The following ANKFN1 variants were observed in gnomAD, a reference collection of about 807,000 sequenced individuals.
ANKFN1 encodes the protein ankyrin repeat and fibronectin type-III domain-containing protein 1.
A neutral mutation model predicts 108.7 loss-of-function variants in ANKFN1; 74 were observed. That is an observed-to-expected ratio of 0.68 (90% CI 0.56 to 0.83). The LOEUF (loss-of-function observed/expected upper bound fraction) is 0.83. Among genes scored for constraint, ANKFN1 ranks in the 40% least tolerant of loss-of-function variants. The pLI is 0.00. For missense variants in ANKFN1, 1,505 were observed against 1,382.3 expected (o/e 1.09, Z -1.41); for synonymous variants, 547 against 516.2 (o/e 1.06, Z -0.81).
Position 56,308,771 on chromosome 17 carries a change from G to A in ANKFN1, c.54-17450G>A, listed in dbSNP as rs558257562. On this transcript the variant is annotated intron_variant, in intron 3 of 20. Coordinates refer to ENST00000682825, the MANE Select transcript of ANKFN1 (RefSeq NM_001370326.1). ...GATATTTTCTGAGCGTTATTGTCATGAATGAATGAATGCTGAATTTTGTTT... is the reference window on the plus strand; with the variant it reads ...GATATTTTCTGAGCGTTATTGTCATAAATGAATGAATGCTGAATTTTGTTT... 4.7e-4 allele frequency among the ~76,000 whole-genome samples: 71 copies of A among 152,204 alleles called. 1 individual carries two copies. The highest frequency in any genetic ancestry group is 2.7e-3 in the East Asian group (14 of 5,178).
chr17:56,232,305 G>C (rs1916794660), intron 3 of ANKFN1, among the ~76,000 whole-genome samples: 1 of 152,010 alleles, frequency 6.6e-6, no homozygotes, highest in Non-Finnish European at 1.5e-5. Context: ...GACCAGTACA[G>C]AGCTTCTAGA....
chr17:56,120,643 C>T (rs560898127), intron 4 of ANKFN1, among the ~76,000 whole-genome samples: 2 of 152,240 alleles, frequency 1.3e-5, no homozygotes, highest in African/African-American at 4.8e-5. Flanking sequence ...CCAATTGATA[C>T]GATGAGTAAT....
chr17:56,498,090 T>C (rs773182538), intron 19 of ANKFN1, among the ~76,000 whole-genome samples: 1 of 152,146 alleles, frequency 6.6e-6, no homozygotes, highest in Non-Finnish European at 1.5e-5. Flanking sequence ...AAAATGACTT[T>C]GATAACCCAA....
chr17:56,423,809 AT>A (rs1421285563), intron 8 of ANKFN1, among the ~76,000 whole-genome samples: 2 of 152,156 alleles, frequency 1.3e-5, no homozygotes, highest in Non-Finnish European at 2.9e-5. Context: ...TTTTATTGTA[AT>A]TATCTGTATC....
intron 3 of ANKFN1, among the ~76,000 whole-genome samples, chr17:56,266,011 T>A (rs149433379): frequency 6.6e-6 from 1 of 152,244 alleles, no homozygotes; most frequent in East Asian, 1.9e-4. Context: ...TCTGGAAGAG[T>A]ATCTAGCTAC....
chr17:56,379,656 T>G (rs991244652), intron 8 of ANKFN1, among the ~76,000 whole-genome samples: 2 of 152,328 alleles, frequency 1.3e-5, no homozygotes, highest in East Asian at 3.9e-4. Context: ...TGTAAATGTG[T>G]TTGGCTCCTC....
chr17:56,091,418 T>TCTCA (rs1027288272), intron 4 of ANKFN1, among the ~76,000 whole-genome samples: 6 of 136,830 alleles, frequency 4.4e-5, no homozygotes, highest in Non-Finnish European at 9.6e-5. Context: ...TCCAAACAAA[T>TCTCA]CACACACACA....
chr17:56,244,990 A>G (rs1598296715), intron 3 of ANKFN1, among the ~76,000 whole-genome samples: 1 of 152,262 alleles, frequency 6.6e-6, no homozygotes, highest in East Asian at 1.9e-4. Flanking sequence ...AATATTGAAT[A>G]TATGAACCAT....
chr17:56,235,991 G>A (rs1438428570), intron 3 of ANKFN1, among the ~76,000 whole-genome samples: 2 of 152,070 alleles, frequency 1.3e-5, no homozygotes, highest in Non-Finnish European at 2.9e-5. Context: ...CATGATCCAT[G>A]AGCATGGAAT....
At chr17:56,416,703 A>G (rs1483408092) in intron 8 of ANKFN1, among the ~76,000 whole-genome samples, 1 of 152,222 alleles carries the variant, frequency 6.6e-6, no homozygotes, top group African/African-American at 2.4e-5. Context: ...TCCCGCTGCT[A>G]GATATATACA....
At chr17:56,311,337 G>T (rs1366873357) in intron 3 of ANKFN1, among the ~76,000 whole-genome samples, 1 of 152,114 alleles carries the variant, frequency 6.6e-6, no homozygotes, top group Non-Finnish European at 1.5e-5. Flanking sequence ...CCATCACAGG[G>T]TTGCTGTGGG....
intron 1 of ANKFN1, among the ~76,000 whole-genome samples, chr17:56,167,274 C>CATATATATATATATATATATACATAT (rs72093414): frequency 7.5e-6 from 1 of 133,874 alleles, no homozygotes; most frequent in African/African-American, 2.8e-5. Context: ...TATATATATA[C>CATATATATATATATATATATACATAT]ATATATATAT....
chr17:56,109,444 G>A (rs139660752), intron 4 of ANKFN1, among the ~76,000 whole-genome samples: 328 of 152,248 alleles, frequency 2.2e-3, no homozygotes, highest in African/African-American at 7.4e-3. Flanking sequence ...CCGACCAGCT[G>A]CCAGTAGTAC....
intron 20 of ANKFN1, among the ~76,000 whole-genome samples, chr17:56,507,227 C>T (rs918964143): frequency 3.9e-5 from 6 of 152,210 alleles, no homozygotes; most frequent in Admixed American, 3.9e-4. Context: ...AATCCTATTA[C>T]TTGCAGTGTC....
At position 56,145,299 on chromosome 17, in the gene ANKFN1, T is replaced by G. The variant is rs1398749272; in HGVS notation, c.289-82618T>G. ...AAAGGGAGTCAGAAAAATAGAATGT[T>G]TTTTGCTAGCAGATGTGTAAAACCT... On this transcript the variant is annotated intron_variant, in intron 4 of 12. Coordinates refer to the ANKFN1 transcript ENST00000635860. 4.6e-5 allele frequency among the ~76,000 whole-genome samples: 7 copies of G among 152,316 alleles called. No homozygotes were observed. In the East Asian group the frequency reaches 1.2e-3, roughly 25 times the overall value.
intron 15 of ANKFN1, chr17:56,471,076 T>C (rs1361001256): frequency 6.6e-6 from 1 of 152,320 alleles, no homozygotes; most frequent in Non-Finnish European, 1.5e-5. Context: ...CATTTGATCC[T>C]CATGCAAACC....
intron 19 of ANKFN1, among the ~76,000 whole-genome samples, chr17:56,494,930 GACT>G (rs2051151766): frequency 6.6e-6 from 1 of 152,054 alleles, no homozygotes; most frequent in Admixed American, 6.6e-5. Flanking sequence ...CCTACTCCCT[GACT>G]ACTACCCTTG....
intron 8 of ANKFN1, among the ~76,000 whole-genome samples, chr17:56,393,866 G>A (rs141844414): frequency 1.0e-3 from 152 of 152,312 alleles, no homozygotes; most frequent in South Asian, 1.7e-3. Context: ...AGTTGCTGCC[G>A]TAATAGTGGA....
intron 16 of ANKFN1, among the ~76,000 whole-genome samples, chr17:56,480,308 T>C (rs1258356897): frequency 6.6e-6 from 1 of 152,182 alleles, no homozygotes; most frequent in Non-Finnish European, 1.5e-5. Context: ...AGCCAGTAGA[T>C]GCCCCTGTGG....
Sources: allele counts gnomAD v4.1 joint callset (sites outside exome capture counted in the v4.1 genomes callset), GRCh38; gene constraint gnomAD v4.1.1; transcripts MANE v1.5; gene names NCBI Gene and HGNC (gene_info 2026-07-23, HGNC 2026-07-21).